Variants in FKBP1B observed in about 807,000 individuals in gnomAD.
FKBP1B encodes the protein FKBP prolyl isomerase 1B.
In FKBP1B, 4 loss-of-function variants were observed where a neutral mutation model predicts 13.5. The observed-to-expected ratio is 0.30, with a 90% CI of 0.15 to 0.68. FKBP1B has a LOEUF of 0.68. Among genes scored for constraint, FKBP1B ranks in the 30% least tolerant of loss-of-function variants. The pLI is 0.76. For synonymous variants in FKBP1B, 54 were observed against 53.6 expected, an observed-to-expected ratio of 1.01 and a Z score of -0.03; for missense variants, 93 against 136.2, an observed-to-expected ratio of 0.68 and a Z score of 1.58.
At chr2:24,043,413 A>G in the FKBP1B span, among the ~76,000 whole-genome samples, 6 of 152,284 alleles carry the variant, frequency 3.9e-5, no homozygotes, top group South Asian at 4.1e-4. Flanking sequence ...TAGGAGGCCA[A>G]GGCAGAAGGA....
the FKBP1B span, chr2:24,037,955 C>T: frequency 1.2e-6 from 2 of 1,614,066 alleles, no homozygotes; most frequent in African/African-American, 1.3e-5. Flanking sequence ...GGCTCAGCAT[C>T]TAGAGCTATG....
intron 1 of FKBP1B, among the ~76,000 whole-genome samples, chr2:24,052,146 A>G (rs1163382741): frequency 6.6e-6 from 1 of 152,018 alleles, no homozygotes; most frequent in African/African-American, 2.4e-5. Flanking sequence ...TATGTCTCCA[A>G]TCTTTCACTC....
At position 24,063,381 on chromosome 2, in the gene FKBP1B, T is replaced by A; in HGVS notation, c.*189T>A. The A allele has an allele frequency of 1.8e-6, 1 of 543,868 alleles. No individual in the cohort carries two copies. The highest frequency in any genetic ancestry group is 3.1e-6 in the Non-Finnish European group (1 of 325,670). The allele number at this position is 543,868 out of a possible 1,614,324, so 33.7% of individuals were successfully genotyped here. A position where few individuals can be genotyped will look rare whatever the true frequency, so the allele number is the denominator to read the frequency against. On this transcript the variant is annotated 3_prime_UTR_variant, in exon 4 of 4. Transcript: ENST00000380986. The stretch of plus-strand genomic sequence containing the variant: ...CGTCAGTGTTCATGCGAATTCTTGC[T>A]TGAGGAAACTTCGGTTGCAGATTGA...
chr2:24,037,194 T>C, the FKBP1B span, among the ~76,000 whole-genome samples: 4 of 152,146 alleles, frequency 2.6e-5, no homozygotes, highest in African/African-American at 9.7e-5. Flanking sequence ...AGCTAATTTT[T>C]ATATTTTTGT....
At chr2:24,051,607 GA>G (rs1663879559) in intron 1 of FKBP1B, among the ~76,000 whole-genome samples, 1 of 152,176 alleles carries the variant, frequency 6.6e-6, no homozygotes, top group African/African-American at 2.4e-5. Context: ...TGACACAGTT[GA>G]AACAGACAGG....
chr2:24,054,437 C>T lies in FKBP1B; in HGVS notation c.85+488C>T, dbSNP rs547603367. The T allele has an allele frequency of 3.0e-5, 6 of 198,254 alleles. 1 individual carries two copies. In the South Asian group the frequency reaches 5.7e-4, roughly 19 times the overall value. 12.3% of individuals were successfully genotyped at this position (198,254 alleles called of 1,614,324 possible). A position where few individuals can be genotyped will look rare whatever the true frequency, so the allele number is the denominator to read the frequency against. On this transcript the variant is annotated intron_variant, in intron 2 of 3. Coordinates refer to ENST00000380986, the MANE Select transcript of FKBP1B (RefSeq NM_004116.5). ...CTCTGGGTACTGAGGGAGCCCAGAG[C>T]GGGACTGATCCCAGTTGGATGCTCT...
chr2:24,054,966 A>G (rs1362101655), intron 2 of FKBP1B, among the ~76,000 whole-genome samples: 3 of 152,200 alleles, frequency 2.0e-5, no homozygotes, highest in African/African-American at 7.2e-5. Context: ...TATCAAACAT[A>G]GCGGGAGACT....
rs1431194808 is a variant in FKBP1B at position 24,050,293 on chromosome 2, G to C, written c.37+407G>C. Among the ~76,000 whole-genome samples the C allele has an allele frequency of 1.3e-5, 2 of 152,154 alleles. No homozygotes were observed. Among genetic ancestry groups the C allele is most frequent in the Non-Finnish European group, 2.9e-5 (2 of 68,008 alleles). On this transcript the variant is annotated intron_variant, in intron 1 of 3. Transcript: ENST00000380986. This position sits in a 1 kb window ranked among gnomAD's most constrained non-coding sequence, Gnocchi z 5.8. ...ACCTGCTCTCGGATACCCGCTGCTC[G>C]GGGACCTCCTCCTAGCGCGTCCCCC... is the stretch of plus-strand genomic sequence containing the variant.
chr2:24,054,556 T>C (rs1266400872), intron 2 of FKBP1B: 6 of 169,908 alleles, frequency 3.5e-5, no homozygotes, highest in African/African-American at 1.4e-4. Flanking sequence ...CACCCTGCCT[T>C]GTGACCTGCT....
chr2:24,058,051 G>A (rs1051322615), intron 2 of FKBP1B, among the ~76,000 whole-genome samples: 4 of 151,904 alleles, frequency 2.6e-5, no homozygotes, highest in African/African-American at 9.7e-5. Context: ...ACAAAAATTA[G>A]CCAGGCATGG....
At chr2:24,037,901 C>T in the FKBP1B span, 2 of 1,613,982 alleles carry the variant, frequency 1.2e-6, no homozygotes, top group Non-Finnish European at 1.7e-6. Flanking sequence ...CTGGTGTGGT[C>T]TGGTGTGCTG....
At chr2:24,038,427 C>T in the FKBP1B span, 2 of 1,614,110 alleles carry the variant, frequency 1.2e-6, no homozygotes, top group East Asian at 2.2e-5. Flanking sequence ...TGTTGGAAGC[C>T]ACTGCCACTA....
At chr2:24,054,798 C>G (rs1177255568) in intron 2 of FKBP1B, among the ~76,000 whole-genome samples, 1 of 152,176 alleles carries the variant, frequency 6.6e-6, no homozygotes, top group Non-Finnish European at 1.5e-5. Flanking sequence ...TACCATGGGT[C>G]GTCTGGGGCC....
At chr2:24,040,495 T>C in the FKBP1B span, among the ~76,000 whole-genome samples, 3 of 152,262 alleles carry the variant, frequency 2.0e-5, no homozygotes, top group East Asian at 5.8e-4. Context: ...CCTTCCAAAG[T>C]GGCTTTTATC....
At chr2:24,037,882 T>C in the FKBP1B span, 1 of 1,614,184 alleles carries the variant, frequency 6.2e-7, no homozygotes, top group Non-Finnish European at 8.5e-7. Context: ...ACGAGGAGGC[T>C]CCAGTGTGCT....
chr2:24,055,194 CTTTT>C (rs71395180), intron 2 of FKBP1B, among the ~76,000 whole-genome samples: 4 of 131,180 alleles, frequency 3.0e-5, no homozygotes, highest in Non-Finnish European at 3.3e-5. Context: ...CATTGTTTTT[CTTTT>C]TTTTTTTTTT....
chr2:24,062,283 C>T (rs1207973004), intron 3 of FKBP1B, among the ~76,000 whole-genome samples: 1 of 152,130 alleles, frequency 6.6e-6, no homozygotes, highest in African/African-American at 2.4e-5. Flanking sequence ...AGCAATTTTC[C>T]TGCCCCAGCC....
At chr2:24,049,539 T>G, upstream of FKBP1B, 1 of 305,288 alleles carries the variant, frequency 3.3e-6, no homozygotes, top group Non-Finnish European at 6.0e-6. Context: ...GGATGGAGGA[T>G]GTGGTTGTGC....
In FKBP1B at chr2:24,057,381, T is replaced by TGTG. The variant is rs35305419; in HGVS notation, c.85+3432_86-3432insGTG. ...TGGCTAATTTTTTTTTGGTTTTTTTTTGTGTGTGTGTGATGGAGTTTTGCT... is the reference window on the plus strand; with the variant it reads ...TGGCTAATTTTTTTTTGGTTTTTTTTGTGTGTGTGTGTGTGATGGAGTTTTGCT... On this transcript the variant is annotated intron_variant, in intron 2 of 3. Coordinates refer to ENST00000380986, the MANE Select transcript of FKBP1B (RefSeq NM_004116.5). Among the ~76,000 whole-genome samples, 80 of 151,372 alleles carry TGTG rather than the reference T, an allele frequency of 5.3e-4. 1 individual carries two copies. Among genetic ancestry groups the TGTG allele is most frequent in the Non-Finnish European group, 1.0e-3 (70 of 67,874 alleles).
Sources: gnomAD v4.1 joint callset for allele counts (sites outside exome capture counted in the v4.1 genomes callset) on GRCh38, gnomAD v4.1.1 for gene constraint, Gnocchi (gnomAD v3.1) non-coding constraint, MANE v1.5 for transcripts, NCBI Gene and HGNC (gene_info 2026-07-23, HGNC 2026-07-21) for gene names.